Variants in MEI4 observed in about 807,000 individuals in gnomAD.
MEI4 encodes meiotic double-stranded break formation protein 4, also known as meiosis-specific protein MEI4.
In MEI4, 27 loss-of-function variants were observed where a neutral mutation model predicts 31.4. The observed-to-expected ratio is 0.86, with a 90% CI of 0.63 to 1.19. The LOEUF is 1.19. MEI4 is among the 50% of genes most tolerant of loss of function. The pLI, the probability that MEI4 is intolerant of heterozygous loss-of-function variation, is 0.00. For missense variants in MEI4, 329 were observed against 398.9 expected, an observed-to-expected ratio of 0.82 and a Z score of 1.49; for synonymous variants, 122 against 145.4, an observed-to-expected ratio of 0.84 and a Z score of 1.16.
intron 4 of MEI4, among the ~76,000 whole-genome samples, chr6:77,885,924 T>G (rs2127730327): frequency 6.6e-6 from 1 of 152,276 alleles, no homozygotes. Flanking sequence ...AAGATTATAA[T>G]TTTTTTCCTC....
intron 3 of MEI4, among the ~76,000 whole-genome samples, chr6:77,818,587 C>T (rs1769742994): frequency 6.6e-6 from 1 of 152,144 alleles, no homozygotes; most frequent in Non-Finnish European, 1.5e-5. Flanking sequence ...CTTGTACCAT[C>T]ATAGTTCACA....
intron 4 of MEI4, among the ~76,000 whole-genome samples, chr6:77,872,150 G>A (rs571445616): frequency 6.6e-6 from 1 of 152,266 alleles, no homozygotes; most frequent in East Asian, 1.9e-4. Context: ...ACCGTTTAGA[G>A]CCTTTTAATA....
intron 4 of MEI4, among the ~76,000 whole-genome samples, chr6:77,868,740 A>G (rs893867577): frequency 1.3e-5 from 2 of 151,880 alleles, no homozygotes; most frequent in African/African-American, 4.8e-5. Context: ...AGAGAAAGCT[A>G]TTAAGCAACA....
chr6:77,705,593 G>A (rs1222640528), intron 2 of MEI4, among the ~76,000 whole-genome samples: 1 of 152,170 alleles, frequency 6.6e-6, no homozygotes, highest in East Asian at 1.9e-4. Flanking sequence ...TACAAAACCA[G>A]CAGAGAAGTA....
chr6:77,744,819 A>G (rs185791424), intron 2 of MEI4, among the ~76,000 whole-genome samples: 1 of 152,238 alleles, frequency 6.6e-6, no homozygotes, highest in Non-Finnish European at 1.5e-5. Context: ...AATATTCAAC[A>G]TTCTTAAAGG....
At chr6:77,861,256 T>G (rs1297153104) in intron 4 of MEI4, among the ~76,000 whole-genome samples, 1 of 152,212 alleles carries the variant, frequency 6.6e-6, no homozygotes, top group African/African-American at 2.4e-5. Flanking sequence ...GATCTTGTGA[T>G]TTTTGCCATT....
intron 4 of MEI4, among the ~76,000 whole-genome samples, chr6:77,877,560 A>G (rs1771372615): frequency 6.6e-6 from 1 of 152,060 alleles, no homozygotes. Flanking sequence ...TAGATGGCTC[A>G]TGGTACAAAC....
chr6:77,753,939 A>C (rs1165305976), intron 2 of MEI4, among the ~76,000 whole-genome samples: 1 of 152,200 alleles, frequency 6.6e-6, no homozygotes, highest in Non-Finnish European at 1.5e-5. Flanking sequence ...GGATGAGTTC[A>C]TGTCCTTTGC....
chr6:77,788,824 C>T (rs1270290438), intron 3 of MEI4, among the ~76,000 whole-genome samples: 1 of 152,178 alleles, frequency 6.6e-6, no homozygotes, highest in African/African-American at 2.4e-5. Context: ...AATGGCCATA[C>T]TGCCCAAAGT....
chr6:77,892,507 G>A (rs2127732539), intron 4 of MEI4, among the ~76,000 whole-genome samples: 1 of 152,126 alleles, frequency 6.6e-6, no homozygotes, highest in South Asian at 2.1e-4. Flanking sequence ...GCTTATCCCA[G>A]AACCCCCTTA....
At chr6:77,729,818 T>C (rs1317218078) in intron 2 of MEI4, among the ~76,000 whole-genome samples, 1 of 152,180 alleles carries the variant, frequency 6.6e-6, no homozygotes, top group Non-Finnish European at 1.5e-5. Flanking sequence ...CTTCTTATGA[T>C]AATATAAGTT....
intron 3 of MEI4, among the ~76,000 whole-genome samples, chr6:77,782,279 T>C (rs528617374): frequency 1.3e-5 from 2 of 152,202 alleles, no homozygotes; most frequent in East Asian, 1.9e-4. Context: ...AGTAGATGAA[T>C]CTTCATTATC....
At chr6:77,824,876 G>A (rs539169372) in intron 3 of MEI4, among the ~76,000 whole-genome samples, 1 of 152,022 alleles carries the variant, frequency 6.6e-6, no homozygotes, top group Non-Finnish European at 1.5e-5. Flanking sequence ...TTCATTAGTA[G>A]GGCTATACAA....
intron 4 of MEI4, among the ~76,000 whole-genome samples, chr6:77,890,995 A>G (rs1581955952): frequency 6.6e-6 from 1 of 152,316 alleles, no homozygotes; most frequent in South Asian, 2.1e-4. Context: ...TTTAAAAATT[A>G]TCCAAGCTCA....
intron 3 of MEI4, among the ~76,000 whole-genome samples, chr6:77,807,397 T>C (rs77356794): frequency 0.014 from 2,195 of 152,256 alleles, 54 homozygotes; most frequent in African/African-American, 0.05. Flanking sequence ...GCCCTTATTT[T>C]AAAGCTCTTC....
intron 4 of MEI4, among the ~76,000 whole-genome samples, chr6:77,855,612 T>A (rs750675542): frequency 5.9e-5 from 9 of 152,176 alleles, no homozygotes; most frequent in Non-Finnish European, 1.3e-4. Context: ...GTACTACTAT[T>A]GAAAAGGTGA....
At chr6:77,800,786 A>C (rs1006581799) in intron 3 of MEI4, among the ~76,000 whole-genome samples, 1 of 151,928 alleles carries the variant, frequency 6.6e-6, no homozygotes, top group Non-Finnish European at 1.5e-5. Context: ...TTATATGCTG[A>C]ATTAAGTTTA....
At chr6:77,872,120 G>T (rs72900527) in intron 4 of MEI4, among the ~76,000 whole-genome samples, 1 of 152,078 alleles carries the variant, frequency 6.6e-6, no homozygotes, top group African/African-American at 2.4e-5. Context: ...CCCTTAAATC[G>T]TGTGCAGTGT....
intron 1 of MEI4, among the ~76,000 whole-genome samples, chr6:77,659,522 G>A (rs1001942657): frequency 6.6e-6 from 1 of 152,114 alleles, no homozygotes; most frequent in African/African-American, 2.4e-5. Flanking sequence ...GGGGAGGTTC[G>A]ATTTTCATGG....
Sources: allele counts gnomAD v4.1 joint callset (sites outside exome capture counted in the v4.1 genomes callset), GRCh38; gene constraint gnomAD v4.1.1; transcripts MANE v1.5; gene names NCBI Gene and HGNC (gene_info 2026-07-23, HGNC 2026-07-21).